The following IQCM variants were observed in gnomAD, a reference collection of about 807,000 sequenced individuals.
The protein encoded by IQCM is IQ domain-containing protein M.
IQCM carries 45 observed loss-of-function variants against 57.6 expected under a neutral mutation model. The observed-to-expected ratio is 0.78, with a 90% confidence interval of 0.62 to 1.00. The LOEUF is 1.00. IQCM is among the 50% of genes least tolerant of loss of function. The pLI is 0.00. For missense variants in IQCM, 468 were observed against 511.6 expected (o/e 0.91, Z 0.82); for synonymous variants, 148 against 158.9 (o/e 0.93, Z 0.51).
At chr4:149,366,189 A>C (rs1729822474) in intron 13 of IQCM, among the ~76,000 whole-genome samples, 1 of 152,098 alleles carries the variant, frequency 6.6e-6, no homozygotes. Flanking sequence ...GCAAAATAAC[A>C]GAAATACAAA....
At chr4:149,732,857 G>GT (rs1306859049) in intron 5 of IQCM, among the ~76,000 whole-genome samples, 1 of 152,130 alleles carries the variant, frequency 6.6e-6, no homozygotes, top group Non-Finnish European at 1.5e-5. Context: ...TCTTTTTAGT[G>GT]TTTTGAGGAA....
chr4:149,431,776 C>A (rs1260860971), intron 13 of IQCM, among the ~76,000 whole-genome samples: 1 of 151,940 alleles, frequency 6.6e-6, no homozygotes, highest in Non-Finnish European at 1.5e-5. Context: ...TAATATGATG[C>A]ATTTGAAATT....
intron 9 of IQCM, among the ~76,000 whole-genome samples, chr4:149,567,717 C>T (rs1750765597): frequency 6.6e-6 from 1 of 151,998 alleles, no homozygotes; most frequent in African/African-American, 2.4e-5. Context: ...TTTTGGGTAT[C>T]CCAGATGGCT....
chr4:149,452,695 T>C (rs2111415293), intron 12 of IQCM, among the ~76,000 whole-genome samples: 1 of 151,754 alleles, frequency 6.6e-6, no homozygotes, highest in Non-Finnish European at 1.5e-5. Context: ...GCCATAAACA[T>C]ATCCATCGCC....
intron 7 of IQCM, among the ~76,000 whole-genome samples, chr4:149,679,842 A>C (rs1307359068): frequency 6.6e-6 from 1 of 151,458 alleles, no homozygotes; most frequent in Non-Finnish European, 1.5e-5. Flanking sequence ...GATGTGGAGA[A>C]TAAGCTTTTT....
chr4:149,798,997 A>G (rs1773365069), intron 2 of IQCM, among the ~76,000 whole-genome samples: 1 of 151,760 alleles, frequency 6.6e-6, no homozygotes, highest in African/African-American at 2.4e-5. Flanking sequence ...ATAGATATTT[A>G]CAGAATATTT....
At chr4:149,489,726 G>A (rs1400003401) in intron 12 of IQCM, among the ~76,000 whole-genome samples, 4 of 151,750 alleles carry the variant, frequency 2.6e-5, no homozygotes, top group Non-Finnish European at 4.4e-5. Context: ...TTGCTGTCAC[G>A]CATTATGGGC....
intron 13 of IQCM, among the ~76,000 whole-genome samples, chr4:149,366,156 T>C (rs1159223358): frequency 6.6e-6 from 1 of 151,976 alleles, no homozygotes; most frequent in Admixed American, 6.6e-5. Flanking sequence ...AGGAGGGCTA[T>C]CACCAGTAAC....
At chr4:149,419,880 CAT>C (rs1199373104) in intron 13 of IQCM, among the ~76,000 whole-genome samples, 1 of 152,068 alleles carries the variant, frequency 6.6e-6, no homozygotes, top group Non-Finnish European at 1.5e-5. Flanking sequence ...GGCCAACAAA[CAT>C]ATGAAAAGAA....
At chr4:149,375,757 T>C (rs1312872708) in intron 13 of IQCM, among the ~76,000 whole-genome samples, 6 of 152,152 alleles carry the variant, frequency 3.9e-5, no homozygotes, top group Non-Finnish European at 5.9e-5. Flanking sequence ...CAAATTCAGA[T>C]TGGAAGTATG....
chr4:149,809,463 A>C (rs752528502), intron 2 of IQCM, among the ~76,000 whole-genome samples: 9 of 152,142 alleles, frequency 5.9e-5, no homozygotes, highest in Non-Finnish European at 1.3e-4. Flanking sequence ...GGACATATTT[A>C]TTTTAATTGA....
At chr4:149,593,565 C>T (rs1026710810) in intron 8 of IQCM, among the ~76,000 whole-genome samples, 4 of 152,058 alleles carry the variant, frequency 2.6e-5, no homozygotes, top group Non-Finnish European at 4.4e-5. Flanking sequence ...CCAGTTTTTG[C>T]CCATTCAGTA....
chr4:149,810,883 A>G (rs1478086122), intron 2 of IQCM, among the ~76,000 whole-genome samples: 1 of 152,172 alleles, frequency 6.6e-6, no homozygotes, highest in Non-Finnish European at 1.5e-5. Context: ...AACTTTGCCA[A>G]GTTTGTATGA....
At chr4:149,717,775 C>A (rs952528712) in intron 5 of IQCM, among the ~76,000 whole-genome samples, 4 of 152,200 alleles carry the variant, frequency 2.6e-5, no homozygotes, top group Non-Finnish European at 5.9e-5. Context: ...GAAAGTATTT[C>A]ATGGCATAGA....
intron 7 of IQCM, among the ~76,000 whole-genome samples, chr4:149,675,120 T>C (rs1761640382): frequency 6.6e-6 from 1 of 151,902 alleles, no homozygotes; most frequent in African/African-American, 2.4e-5. Context: ...AGTAGAAAAG[T>C]GAATGGATTA....
chr4:149,617,374 TC>T (rs1170592851), intron 8 of IQCM, among the ~76,000 whole-genome samples: 1 of 152,146 alleles, frequency 6.6e-6, no homozygotes, highest in Non-Finnish European at 1.5e-5. Flanking sequence ...TACTAAAACA[TC>T]CATTTAGACT....
At chr4:149,781,664 A>G (rs1303338021) in intron 2 of IQCM, among the ~76,000 whole-genome samples, 1 of 152,220 alleles carries the variant, frequency 6.6e-6, no homozygotes. Flanking sequence ...CATGGTATAT[A>G]TAGGATTCAG....
intron 13 of IQCM, among the ~76,000 whole-genome samples, chr4:149,426,654 C>A (rs774480386): frequency 6.6e-6 from 1 of 151,864 alleles, no homozygotes; most frequent in East Asian, 1.9e-4. Flanking sequence ...CTCAGTGACT[C>A]ATTTGTGTAG....
intron 2 of IQCM, among the ~76,000 whole-genome samples, chr4:149,807,098 C>T (rs1048309274): frequency 2.0e-5 from 3 of 151,850 alleles, no homozygotes; most frequent in East Asian, 3.9e-4. Context: ...AAACAATCTA[C>T]ATATCCAACA....
Sources: gnomAD v4.1 joint callset for allele counts (sites outside exome capture counted in the v4.1 genomes callset) on GRCh38, gnomAD v4.1.1 for gene constraint, MANE v1.5 for transcripts, NCBI Gene and HGNC (gene_info 2026-07-23, HGNC 2026-07-21) for gene names.